JADE1: variants seen among roughly 807,000 people sequenced by gnomAD.
JADE1 encodes the protein protein Jade-1.
JADE1 carries 14 observed loss-of-function variants against 81.8 expected under a neutral mutation model. The ratio of observed to expected loss-of-function variants is 0.17; its 90% CI spans 0.11 to 0.27. The LOEUF (loss-of-function observed/expected upper bound fraction) is 0.27, where lower values mean the gene tolerates loss of function less well. Ranked by LOEUF, JADE1 falls within the 10% of genes least tolerant of loss-of-function variation. JADE1 has a pLI of 1.00. For synonymous variants in JADE1, 353 were observed against 391.9 expected, an observed-to-expected ratio of 0.90 and a Z score of 1.17; for missense variants, 690 against 1,047.9, an observed-to-expected ratio of 0.66 and a Z score of 4.71.
At chr4:128,812,612 A>G (rs1489047160) in intron 1 of JADE1, among the ~76,000 whole-genome samples, 1 of 151,930 alleles carries the variant, frequency 6.6e-6, no homozygotes, top group Non-Finnish European at 1.5e-5. Context: ...CAGGTTTCCC[A>G]CCCCAAGCGG....
At chr4:128,857,493 T>C in intron 8 of JADE1, 39 bp downstream of exon 8, 1 of 1,490,788 alleles carries the variant, frequency 6.7e-7, no homozygotes, top group Non-Finnish European at 9.4e-7. Flanking sequence ...TTTCCTTTCC[T>C]GCGTGGTGGG....
At chr4:128,861,317 C>T (rs934316683) in intron 8 of JADE1, among the ~76,000 whole-genome samples, 2 of 152,206 alleles carry the variant, frequency 1.3e-5, no homozygotes, top group South Asian at 4.1e-4. Context: ...AGTTACTTTT[C>T]TGAGGAAGTT....
rs1729535324 is a variant in JADE1 at position 128,842,599 on chromosome 4, C to A, written c.53-354C>A. 1.3e-5 allele frequency among the ~76,000 whole-genome samples: 2 copies of A among 152,164 alleles called. 1 individual carries two copies. Among genetic ancestry groups the A allele is most frequent in the South Asian group, 4.1e-4 (2 of 4,834 alleles). On this transcript the variant is annotated intron_variant, in intron 2 of 10. Transcript: ENST00000226319. ...ACAGGCGTGAGCCGCCACCCCTGGCCTGATATTTTTTCAATTTGTATTTAG... is the reference window on the plus strand; with the variant it reads ...ACAGGCGTGAGCCGCCACCCCTGGCATGATATTTTTTCAATTTGTATTTAG...
chr4:128,817,729 C>A (rs1579093730), intron 1 of JADE1, among the ~76,000 whole-genome samples: 1 of 152,190 alleles, frequency 6.6e-6, no homozygotes, highest in Non-Finnish European at 1.5e-5. Context: ...GTGGTTGTAA[C>A]TTTTTAAGTT....
At chr4:128,865,381 G>C (rs796250384) in intron 9 of JADE1, among the ~76,000 whole-genome samples, 1 of 152,200 alleles carries the variant, frequency 6.6e-6, no homozygotes, top group Admixed American at 6.5e-5. Context: ...AGGGGAAAGG[G>C]ATGATCAGGT....
At position 128,846,761 on chromosome 4, in the gene JADE1, CTG is replaced by C. The variant is rs571953331; in HGVS notation, c.296+232_296+233del. On this transcript the variant is annotated intron_variant, in intron 4 of 10. Coordinates refer to ENST00000226319, the MANE Select transcript of JADE1 (RefSeq NM_199320.4). This position sits in a 1 kb window ranked among gnomAD's most constrained non-coding sequence, Gnocchi z 4.0. ...TCCAAACTTAACATTACAGCCACCACTGTGGGGAGGTGCTGCTTTCTTATGAG... is the reference window on the plus strand; with the variant it reads ...TCCAAACTTAACATTACAGCCACCACTGGGGAGGTGCTGCTTTCTTATGAG... Among the ~76,000 whole-genome samples the C allele has an allele frequency of 5.9e-5, 9 of 152,346 alleles. No individual in the cohort carries two copies. The East Asian group carries it at 1.7e-3, about 29-fold the overall frequency.
chr4:128,824,594 T>G (rs1308162149), intron 1 of JADE1, among the ~76,000 whole-genome samples: 4 of 152,176 alleles, frequency 2.6e-5, no homozygotes, highest in African/African-American at 9.7e-5. Context: ...TTATTCCAGT[T>G]AAAGGTCAAT....
chr4:128,862,487 A>C, intron 9 of JADE1: 1 of 1,340,956 alleles, frequency 7.5e-7, no homozygotes, highest in Non-Finnish European at 9.6e-7. Context: ...CTGTTTTGTA[A>C]GATCAAATGG....
chr4:128,869,150 T>C (rs1404482231), intron 10 of JADE1, among the ~76,000 whole-genome samples: 3 of 152,234 alleles, frequency 2.0e-5, no homozygotes, highest in Non-Finnish European at 2.9e-5. Context: ...AAGTGTTACA[T>C]AGTTTGAATG....
Position 128,871,195 on chromosome 4 carries a change from T to C in JADE1, c.1622-160T>C, listed in dbSNP as rs1007458835. ...GGAGATTCTCAAGGCAGGTCATCTC[T>C]TCACTATAAAAACCAAATTTGTACA... On this transcript the variant is annotated intron_variant, in intron 10 of 10. Transcript: ENST00000226319. This position sits in a 1 kb window ranked among gnomAD's most constrained non-coding sequence, Gnocchi z 4.1. 2.1e-4 allele frequency among the ~76,000 whole-genome samples: 32 copies of C among 152,208 alleles called. No homozygotes were observed. Among genetic ancestry groups the C allele is most frequent in the Admixed American group, 2.0e-4 (3 of 15,282 alleles).
rs1731494582 is a variant in JADE1, at chr4:128,863,087, G to A, written c.1503+862G>A. On this transcript the variant is annotated intron_variant, in intron 9 of 10. Coordinates refer to ENST00000226319, the MANE Select transcript of JADE1 (RefSeq NM_199320.4). ...CTGAATGTCGTGGCTGTTGGCTGCC[G>A]AGCCTCAGCTGCTGGCATTTCCTTC... is the stretch of plus-strand genomic sequence containing the variant. 7.1e-6 allele frequency: 7 copies of A among 985,604 alleles called. No individual in the cohort carries two copies. In the South Asian group the frequency reaches 2.3e-4, roughly 33 times the overall value. 61.1% of individuals were successfully genotyped at this position (985,604 alleles called of 1,614,324 possible). A position where few individuals can be genotyped will look rare whatever the true frequency, so the allele number is the denominator to read the frequency against.
chr4:128,827,870 A>T, intron 1 of JADE1: 1 of 985,318 alleles, frequency 1.0e-6, no homozygotes, highest in South Asian at 4.7e-5. Flanking sequence ...GTGTATGAAG[A>T]TGCTACCCAG....
chr4:128,813,407 C>CTTTTTTTTTT (rs72296886), intron 1 of JADE1, among the ~76,000 whole-genome samples: 27 of 115,556 alleles, frequency 2.3e-4, no homozygotes, highest in Non-Finnish European at 3.4e-4. Context: ...CTTACGGTCA[C>CTTTTTTTTTT]TTTTTTTTTT....
chr4:128,864,765 C>A (rs1401353792), intron 9 of JADE1: 6 of 250,430 alleles, frequency 2.4e-5, no homozygotes, highest in African/African-American at 1.2e-4. Context: ...AAATAAGTAG[C>A]CATCATTAGA....
At chr4:128,811,447 A>C (rs1726358077) in intron 1 of JADE1, 4 of 150,652 alleles carry the variant, frequency 2.7e-5, no homozygotes, top group Admixed American at 6.6e-5. Context: ...ACCGGGGGAG[A>C]CTCGGGAGCG....
intron 1 of JADE1, chr4:128,831,456 T>C (rs1728543390): frequency 1.5e-5 from 6 of 401,356 alleles, no homozygotes; most frequent in Admixed American, 1.3e-4. Context: ...GGAGTAGTTA[T>C]AGTAATAATG....
Position 128,825,144 on chromosome 4 carries a change from A to G in JADE1, c.-26-6589A>G, listed in dbSNP as rs141431883. ...AACCTCTGCCTCCCGGGTTCAAGCG[A>G]TTCTCCTGCCTTAGCCTCTCAAGTA... On this transcript the variant is annotated intron_variant, in intron 1 of 10. Coordinates refer to ENST00000226319, the MANE Select transcript of JADE1 (RefSeq NM_199320.4). Among the ~76,000 whole-genome samples the G allele has an allele frequency of 5.1e-3, 770 of 152,230 alleles. 7 individuals are homozygous for G. The highest frequency in any genetic ancestry group is 0.018 in the African/African-American group (733 of 41,536).
Position 128,871,703 on chromosome 4 carries a change from G to C in JADE1, c.1970G>C (p.Gly657Ala). Residue 657 changes from glycine to alanine, a missense_variant, in exon 11 of 11, where the codon GGG becomes GCG. By Grantham distance (60) the Gly-to-Ala change is moderately conservative (BLOSUM62 0). Around this residue, in one of 8 missense-constraint regions of JADE1, gnomAD observed 218 missense variants for 274.3 expected, o/e 0.79. Transcript: ENST00000226319. The surrounding 1 kb of genome is among the most constrained non-coding windows in gnomAD (Gnocchi z 4.1). ...AATGGTGTGGTGATGCCAGACCATG[G>C]GAAAAGAAGAGACAATCGTTTTCAT... is the stretch of plus-strand genomic sequence containing the variant. ...QKNGVVMPDH[G>A]KRRDNRFHCD... 6.2e-7 allele frequency: 1 copy of C among 1,614,130 alleles called. No individual in the cohort carries two copies. The highest frequency in any genetic ancestry group is 1.1e-5 in the South Asian group (1 of 91,068).
intron 8 of JADE1, among the ~76,000 whole-genome samples, chr4:128,858,656 G>A (rs1447512383): frequency 1.3e-5 from 2 of 150,244 alleles, no homozygotes; most frequent in Non-Finnish European, 3.0e-5. Context: ...AAGCTGGAGT[G>A]CAGTGGCATC....
Sources: gnomAD v4.1 joint callset for allele counts (sites outside exome capture counted in the v4.1 genomes callset) on GRCh38, gnomAD v4.1.1 for gene constraint, gnomAD v4.1.1 regional missense constraint, Gnocchi (gnomAD v3.1) non-coding constraint, MANE v1.5 for transcripts, NCBI Gene and HGNC (gene_info 2026-07-23, HGNC 2026-07-21) for gene names.